Variants in PLEKHG6 observed in about 807,000 individuals in gnomAD.
PLEKHG6 encodes the protein pleckstrin homology domain-containing family G member 6.
In PLEKHG6, 91 loss-of-function variants were observed where a neutral mutation model predicts 97.5. The ratio of observed to expected loss-of-function variants is 0.93; its 90% confidence interval spans 0.79 to 1.11. PLEKHG6 has a LOEUF of 1.11. PLEKHG6 is among the 50% of genes most tolerant of loss of function. PLEKHG6 has a pLI of 0.00. For missense variants in PLEKHG6, 1,044 were observed against 1,031.0 expected (o/e 1.01, Z -0.17); for synonymous variants, 466 against 425.5 (o/e 1.10, Z -1.17).
rs1293477404 is a variant in PLEKHG6 at position 6,316,001 on chromosome 12, G to A, written c.606+82G>A. The A allele has an allele frequency of 7.7e-7, 1 of 1,300,348 alleles. No homozygotes were observed. Among genetic ancestry groups the A allele is most frequent in the Non-Finnish European group, 1.1e-6 (1 of 938,828 alleles). The allele number at this position is 1,300,348 out of a possible 1,614,324, so 80.6% of individuals were successfully genotyped here. On this transcript the variant is annotated intron_variant, in intron 6 of 15. Transcript: ENST00000684764. This position sits in a 1 kb window ranked among gnomAD's most constrained non-coding sequence, Gnocchi z 4.1. ...GAGGGTGGGCCCTCCAGCCATCCCT[G>A]TCTGAATTCCCACTGCCCCGTTTTT...
intron 13 of PLEKHG6, chr12:6,319,416 C>T (rs1947624100): frequency 9.0e-6 from 9 of 997,872 alleles, no homozygotes; most frequent in Non-Finnish European, 1.3e-5. Context: ...CCACTGCACT[C>T]TAGCCTGGGT....
chr12:6,319,665 C>G, intron 13 of PLEKHG6: 2 of 1,534,968 alleles, frequency 1.3e-6, no homozygotes, highest in Non-Finnish European at 1.7e-6. Context: ...GATACAGCAT[C>G]CCCTGAAGGT....
At position 6,327,541 on chromosome 12, in the gene PLEKHG6, T is replaced by C; in HGVS notation, c.1958T>C (p.Ile653Thr). 7.1e-7 allele frequency: 1 copy of C among 1,401,956 alleles called. No homozygotes were observed. Among genetic ancestry groups the C allele is most frequent in the Non-Finnish European group, 9.5e-7 (1 of 1,056,844 alleles). 86.8% of individuals were successfully genotyped at this position (1,401,956 alleles called of 1,614,324 possible). A position where few individuals can be genotyped will look rare whatever the true frequency, so the allele number is the denominator to read the frequency against. ...AGCGCCCCCGAACTGCCGGAAGGAATCCTAAAAGGAGGCAGTCTTCCCCAG... is the reference window on the plus strand; with the variant it reads ...AGCGCCCCCGAACTGCCGGAAGGAACCCTAAAAGGAGGCAGTCTTCCCCAG... Reference protein sequence around the residue: ...RRSAPELPEGILKGGSLPQED... With the variant: ...RRSAPELPEGTLKGGSLPQED... Residue 653 changes from isoleucine (I) to threonine (T), a missense_variant, in exon 15 of 16, where the codon ATC becomes ACC. Physicochemically the swap from Ile to Thr is moderately conservative, Grantham distance 89. Coordinates refer to ENST00000684764, the MANE Select transcript of PLEKHG6 (RefSeq NM_001384598.1).
At chr12:6,311,798 G>C (rs1012391777) in intron 1 of PLEKHG6, among the ~76,000 whole-genome samples, 1 of 151,776 alleles carries the variant, frequency 6.6e-6, no homozygotes, top group Admixed American at 6.6e-5. Flanking sequence ...GAAGGGGATG[G>C]GGTTATATCT....
intron 13 of PLEKHG6, among the ~76,000 whole-genome samples, chr12:6,324,122 T>TCCTTTC (rs1462616103): frequency 6.6e-6 from 1 of 152,110 alleles, no homozygotes; most frequent in Non-Finnish European, 1.5e-5. Context: ...AATTTCCTTT[T>TCCTTTC]CCTTTCCCGT....
Position 6,316,019 on chromosome 12 carries a change from C to T in PLEKHG6, c.606+100C>T, listed in dbSNP as rs148541214. On this transcript the variant is annotated intron_variant, in intron 6 of 15. Coordinates refer to ENST00000684764, the MANE Select transcript of PLEKHG6 (RefSeq NM_001384598.1). The surrounding 1 kb of genome is among the most constrained non-coding windows in gnomAD (Gnocchi z 4.1). The stretch of plus-strand genomic sequence containing the variant: ...CATCCCTGTCTGAATTCCCACTGCC[C>T]CGTTTTTTGGGATGCCTTGCCCTCC... The T allele has an allele frequency of 8.0e-4, 949 of 1,183,974 alleles. 7 individuals are homozygous for T. The African/African-American group carries it at 0.013, about 16-fold the overall frequency. The allele number at this position is 1,183,974 out of a possible 1,614,324, so 73.3% of individuals were successfully genotyped here. A position where few individuals can be genotyped will look rare whatever the true frequency, so the allele number is the denominator to read the frequency against.
intron 13 of PLEKHG6, among the ~76,000 whole-genome samples, chr12:6,321,655 T>TCTCTACTAA (rs1489669316): frequency 6.6e-6 from 1 of 151,220 alleles, no homozygotes; most frequent in Non-Finnish European, 1.5e-5. Flanking sequence ...TGAAACCCCA[T>TCTCTACTAA]CTCTACTAAA....
Position 6,317,732 on chromosome 12 carries a change from C to T in PLEKHG6, c.1017+36C>T, listed in dbSNP as rs745812670. Reference sequence around the variant, plus strand: ...CAGTGGGGCTGGGACTCTGGTGAATCGGGGACTGGGAGGGGGGTCTCTTTC... The same window carrying T: ...CAGTGGGGCTGGGACTCTGGTGAATTGGGGACTGGGAGGGGGGTCTCTTTC... On this transcript the variant is annotated intron_variant, in intron 9 of 15. Transcript: ENST00000684764. The T allele has an allele frequency of 7.5e-6, 12 of 1,607,728 alleles. No individual in the cohort carries two copies. In the South Asian group the frequency reaches 7.7e-5, roughly 10 times the overall value.
chr12:6,325,146 T>C (rs1391563879), intron 13 of PLEKHG6, among the ~76,000 whole-genome samples: 1 of 152,062 alleles, frequency 6.6e-6, no homozygotes, highest in Non-Finnish European at 1.5e-5. Context: ...GCCTCCAACC[T>C]CAGCTCTGCC....
At chr12:6,311,466 TAG>T (rs1407273081) in intron 1 of PLEKHG6, among the ~76,000 whole-genome samples, 1 of 152,152 alleles carries the variant, frequency 6.6e-6, no homozygotes, top group East Asian at 1.9e-4. Flanking sequence ...CAGTAAAGAT[TAG>T]AGACTTCGCG....
chr12:6,322,929 AG>A (rs58348525), intron 13 of PLEKHG6, among the ~76,000 whole-genome samples: 9,291 of 152,236 alleles, frequency 0.061, 897 homozygotes, highest in African/African-American at 0.2. Context: ...TAGAGGCTCA[AG>A]GGGGAGCCCA....
intron 14 of PLEKHG6, 140 bp downstream of exon 14, chr12:6,326,713 G>C: frequency 1.3e-6 from 1 of 781,676 alleles, no homozygotes; most frequent in Non-Finnish European, 1.9e-6. Flanking sequence ...GGGAAGCTCG[G>C]TACCAGCTGT....
intron 3 of PLEKHG6, 86 bp downstream of exon 3, chr12:6,313,870 A>T: frequency 1.6e-6 from 2 of 1,282,046 alleles, no homozygotes; most frequent in Non-Finnish European, 1.1e-6. Flanking sequence ...CCGGGAGCTG[A>T]GAACACAGGT....
Position 6,328,137 on chromosome 12 carries a change from G to T in PLEKHG6, c.2365G>T (p.Glu789Ter). 20 of 1,614,092 alleles carry T rather than the reference G, an allele frequency of 1.2e-5. No individual in the cohort carries two copies. The highest frequency in any genetic ancestry group is 1.7e-5 in the Non-Finnish European group (20 of 1,179,960). The change falls in exon 16 of 16, where the codon GAG becomes TAG. Residue 789 changes from glutamate (E) to a stop codon, truncating the protein, a stop_gained and splice_region_variant. Transcript: ENST00000684764. LOFTEE classifies it high-confidence loss of function. ...TAACACCCCCTCCTGTCTTTTCAGA[G>T]AGGTATGAGGAATGCAGAGGACCTT... ...IQLDTPLSASEV is the reference protein window; with the variant it reads ...IQLDTPLSAS
Position 6,326,482 on chromosome 12 carries a change from C to T in PLEKHG6, c.1579C>T (p.Leu527=), listed in dbSNP as rs368493264. Residue 527 remains leucine, a synonymous_variant, in exon 14 of 16, where the codon CTG becomes TTG. Coordinates refer to ENST00000684764, the MANE Select transcript of PLEKHG6 (RefSeq NM_001384598.1). ...EEYVQQKREL[L]TLYRDQDRES... The stretch of plus-strand genomic sequence containing the variant: ...GTATGTTCAACAGAAGAGGGAGCTC[C>T]TGACCCTCTATCGGGACCAGGACAG... The T allele has an allele frequency of 5.6e-6, 9 of 1,612,274 alleles. No individual in the cohort carries two copies. Among genetic ancestry groups the T allele is most frequent in the Non-Finnish European group, 5.1e-6 (6 of 1,179,244 alleles).
chr12:6,318,966 C>T, intron 12 of PLEKHG6, 27 bp from the exon 13 acceptor site: 2 of 1,611,564 alleles, frequency 1.2e-6, no homozygotes, highest in Middle Eastern at 1.7e-4. Flanking sequence ...AAAGGCTGGC[C>T]TCTTGAAGGT....
intron 9 of PLEKHG6, 40 bp from the exon 10 acceptor site, chr12:6,317,817 G>A: frequency 6.5e-7 from 1 of 1,538,348 alleles, no homozygotes; most frequent in Non-Finnish European, 8.8e-7. Context: ...GGAGGGGACG[G>A]CTGAGCCGTC....
chr12:6,321,124 A>G (rs888769785), intron 13 of PLEKHG6, among the ~76,000 whole-genome samples: 1 of 151,958 alleles, frequency 6.6e-6, no homozygotes, highest in Non-Finnish European at 1.5e-5. Flanking sequence ...GGCTCAAGTG[A>G]GTCTCCCAGC....
At chr12:6,318,232 A>G (rs1947557856) in intron 10 of PLEKHG6, 69 bp from the exon 11 acceptor site, 1 of 1,606,512 alleles carries the variant, frequency 6.2e-7, no homozygotes, top group Non-Finnish European at 8.5e-7. Context: ...CAGAACCAGG[A>G]GCCGCCCTTG....
Sources: allele counts gnomAD v4.1 joint callset (sites outside exome capture counted in the v4.1 genomes callset), GRCh38; gene constraint gnomAD v4.1.1; non-coding constraint Gnocchi (gnomAD v3.1); transcripts MANE v1.5; gene names NCBI Gene and HGNC (gene_info 2026-07-23, HGNC 2026-07-21).